Variants in FRYL observed in about 807,000 individuals in gnomAD.
FRYL encodes protein furry homolog-like.
A neutral mutation model predicts 351.2 loss-of-function variants in FRYL; 150 were observed. That is an observed-to-expected ratio of 0.43 (90% CI 0.37 to 0.49). The LOEUF (loss-of-function observed/expected upper bound fraction) is 0.49, where lower values mean the gene tolerates loss of function less well. Ranked by LOEUF, FRYL falls within the 20% of genes least tolerant of loss-of-function variation. The pLI is 0.00. For synonymous variants in FRYL, 1,153 were observed against 1,257.1 expected (o/e 0.92, Z 1.75); for missense variants, 3,036 against 3,619.3 (o/e 0.84, Z 4.13).
At chr4:48,759,360 G>A (rs1427122369) in intron 1 of FRYL, among the ~76,000 whole-genome samples, 2 of 152,180 alleles carry the variant, frequency 1.3e-5, no homozygotes, top group African/African-American at 2.4e-5. Context: ...GTTGTGTTAA[G>A]AAATAAAATG....
intron 4 of FRYL, among the ~76,000 whole-genome samples, chr4:48,631,010 T>A (rs558404178): frequency 6.6e-6 from 1 of 152,294 alleles, no homozygotes; most frequent in Non-Finnish European, 1.5e-5. Context: ...TTTGAAGCTA[T>A]ATTGTAAAAA....
chr4:48,631,997 G>A lies in FRYL; in HGVS notation c.120+2294C>T, dbSNP rs543503612. 4.2e-3 allele frequency among the ~76,000 whole-genome samples: 542 copies of A among 130,102 alleles called. 3 individuals carry two copies. Among genetic ancestry groups the A allele is most frequent in the Non-Finnish European group, 7.1e-3 (453 of 64,108 alleles). 85.4% of individuals were successfully genotyped at this position (130,102 alleles called of 152,430 possible). ...GAACCTGGGAGGTGAAGGTTGCAGTGAGCCAAAATTGCGCCACTGAACTCC... is the reference window on the plus strand; with the variant it reads ...GAACCTGGGAGGTGAAGGTTGCAGTAAGCCAAAATTGCGCCACTGAACTCC... On this transcript the variant is annotated intron_variant, in intron 4 of 63. Transcript: ENST00000358350.
chr4:48,566,225 A>G (rs1022735344), intron 28 of FRYL, among the ~76,000 whole-genome samples: 35 of 152,214 alleles, frequency 2.3e-4, no homozygotes, highest in Non-Finnish European at 4.4e-4. Context: ...GTCCAAACAC[A>G]TTCTGCTGCT....
intron 1 of FRYL, among the ~76,000 whole-genome samples, chr4:48,746,458 T>C (rs991570213): frequency 9.3e-5 from 14 of 150,030 alleles, no homozygotes; most frequent in Non-Finnish European, 1.9e-4. Context: ...GGCAGAAGAA[T>C]GGCGTGAACC....
intron 1 of FRYL, among the ~76,000 whole-genome samples, chr4:48,713,457 C>G (rs1181950608): frequency 6.6e-6 from 1 of 152,074 alleles, no homozygotes; most frequent in Non-Finnish European, 1.5e-5. Context: ...CAAAAAAAGG[C>G]AGCGGTTGCA....
At chr4:48,687,710 C>T (rs1213863192) in intron 2 of FRYL, among the ~76,000 whole-genome samples, 2 of 152,078 alleles carry the variant, frequency 1.3e-5, no homozygotes, top group Non-Finnish European at 2.9e-5. Context: ...CAGGAAACAA[C>T]AATCCCAAGC....
At chr4:48,534,169 T>G (rs1401304354) in intron 49 of FRYL, among the ~76,000 whole-genome samples, 1 of 152,166 alleles carries the variant, frequency 6.6e-6, no homozygotes, top group Admixed American at 6.5e-5. Context: ...GAGGCTGCAG[T>G]GAGCCGAGAC....
chr4:48,582,773 T>A, intron 19 of FRYL, 39 bp from the exon 20 acceptor site: 1 of 1,296,892 alleles, frequency 7.7e-7, no homozygotes, highest in Non-Finnish European at 1.1e-6. Flanking sequence ...CTTCAATACC[T>A]TTCAATTAGT....
chr4:48,583,398 G>A (rs765375505), intron 19 of FRYL, among the ~76,000 whole-genome samples: 2 of 152,008 alleles, frequency 1.3e-5, no homozygotes, highest in Non-Finnish European at 2.9e-5. Flanking sequence ...TGATCTGCCC[G>A]CCTCGGCCTC....
rs557019002 is a variant in FRYL at position 48,637,307 on chromosome 4, G to A, written c.-80-2817C>T. 8 of 152,048 alleles carry A rather than the reference G, an allele frequency of 5.3e-5. No homozygotes were observed. In the South Asian group the frequency reaches 1.5e-3, roughly 28 times the overall value. The allele number at this position is 152,048 out of a possible 1,614,324, so 9.4% of individuals were successfully genotyped here. On this transcript the variant is annotated intron_variant, in intron 3 of 63. Transcript: ENST00000358350. Reference sequence around the variant, plus strand: ...CCTCAACTTTATATTTCATCATAATGTTCAGCCTTGGTAAAGATACGTGAA... The same window carrying A: ...CCTCAACTTTATATTTCATCATAATATTCAGCCTTGGTAAAGATACGTGAA...
chr4:48,699,808 G>A (rs966768680), intron 2 of FRYL, among the ~76,000 whole-genome samples: 1 of 151,998 alleles, frequency 6.6e-6, no homozygotes, highest in African/African-American at 2.4e-5. Flanking sequence ...GTTTACTGGT[G>A]TTCAGGGTCA....
intron 4 of FRYL, among the ~76,000 whole-genome samples, chr4:48,629,793 T>A (rs1485755376): frequency 6.6e-6 from 1 of 151,888 alleles, no homozygotes; most frequent in Non-Finnish European, 1.5e-5. Flanking sequence ...GGCTCAGGAA[T>A]TGGAGAACTT....
chr4:48,607,959 TAAAC>T (rs1327101806), intron 9 of FRYL, among the ~76,000 whole-genome samples: 30 of 152,196 alleles, frequency 2.0e-4, no homozygotes, highest in African/African-American at 7.0e-4. Flanking sequence ...AAAAATAACA[TAAAC>T]AAACTGTCAT....
At chr4:48,503,478 A>G (rs1394446898) in intron 60 of FRYL, among the ~76,000 whole-genome samples, 1 of 152,214 alleles carries the variant, frequency 6.6e-6, no homozygotes, top group Non-Finnish European at 1.5e-5. Flanking sequence ...CAGAAACTTA[A>G]CCCGACTAGG....
At chr4:48,654,298 C>CAAAAAAAAAAAAAAAACAAAAA (rs1758346813) in intron 3 of FRYL, among the ~76,000 whole-genome samples, 1 of 123,646 alleles carries the variant, frequency 8.1e-6, no homozygotes, top group Non-Finnish European at 1.7e-5. Context: ...AATAGCTGAT[C>CAAAAAAAAAAAAAAAACAAAAA]AAAAAAAAAA....
chr4:48,540,297 A>G lies in FRYL; in HGVS notation c.6295+56T>C. On this transcript the variant is annotated intron_variant, in intron 46 of 63. Transcript: ENST00000358350. ...TTAGTAGATTTCAAAACAAATGATTAGTTTACATTTTACTGCATAAAATGC... is the reference window on the plus strand; with the variant it reads ...TTAGTAGATTTCAAAACAAATGATTGGTTTACATTTTACTGCATAAAATGC... 2.0e-6 allele frequency: 3 copies of G among 1,527,694 alleles called. No homozygotes were observed. The South Asian group carries it at 3.8e-5, about 19-fold the overall frequency. The allele number at this position is 1,527,694 out of a possible 1,614,324, so 94.6% of individuals were successfully genotyped here.
At chr4:48,723,362 C>G (rs190527272) in intron 1 of FRYL, among the ~76,000 whole-genome samples, 44 of 152,096 alleles carry the variant, frequency 2.9e-4, no homozygotes, top group Non-Finnish European at 4.7e-4. Flanking sequence ...AGGCTGGTCT[C>G]GAATGCCTGG....
chr4:48,682,972 T>C (rs1267030862), intron 3 of FRYL, among the ~76,000 whole-genome samples: 1 of 152,180 alleles, frequency 6.6e-6, no homozygotes, highest in Non-Finnish European at 1.5e-5. Flanking sequence ...TGCACACGTA[T>C]GTATATTGCG....
At chr4:48,757,600 C>G (rs1028794350) in intron 1 of FRYL, among the ~76,000 whole-genome samples, 21 of 152,136 alleles carry the variant, frequency 1.4e-4, no homozygotes, top group Admixed American at 3.3e-4. Flanking sequence ...AGGATACAAA[C>G]AAATGGAAGA....
Sources: allele counts gnomAD v4.1 joint callset (sites outside exome capture counted in the v4.1 genomes callset), GRCh38; gene constraint gnomAD v4.1.1; transcripts MANE v1.5; gene names NCBI Gene and HGNC (gene_info 2026-07-23, HGNC 2026-07-21).